Variants in UBR4 observed in about 807,000 individuals in gnomAD.
UBR4 encodes E3 ubiquitin-protein ligase UBR4.
UBR4 carries 124 observed loss-of-function variants against 575.6 expected under a neutral mutation model. The ratio of observed to expected loss-of-function variants is 0.22; its 90% CI spans 0.19 to 0.25. The LOEUF is 0.25. UBR4 is among the 10% of genes least tolerant of loss of function. The pLI, the probability that UBR4 is intolerant of heterozygous loss-of-function variation, is 1.00. For missense variants in UBR4, 4,818 were observed against 6,478.8 expected, an observed-to-expected ratio of 0.74 and a Z score of 8.80; for synonymous variants, 2,455 against 2,473.7, an observed-to-expected ratio of 0.99 and a Z score of 0.22.
chr1:19,113,474 A>G (rs1302407727), intron 77 of UBR4: 6 of 614,356 alleles, frequency 9.8e-6, no homozygotes, highest in African/African-American at 1.8e-5. Flanking sequence ...TCCCATCACC[A>G]GTATGTTCAG....
intron 22 of UBR4, among the ~76,000 whole-genome samples, chr1:19,174,090 C>A (rs184777099): frequency 2.6e-5 from 4 of 152,288 alleles, no homozygotes; most frequent in Non-Finnish European, 5.9e-5. Context: ...GGGGGGACCA[C>A]TAACTCTTAA....
At chr1:19,201,691 A>G in intron 2 of UBR4, 27 bp downstream of exon 2, 2 of 1,589,616 alleles carry the variant, frequency 1.3e-6, no homozygotes, top group South Asian at 1.1e-5. Context: ...AGCCCTCAGA[A>G]GGGAAGGACA....
chr1:19,144,888 A>G lies in UBR4; in HGVS notation c.7965T>C (p.Ala2655=). The G allele has an allele frequency of 1.2e-5, 20 of 1,614,150 alleles. No individual in the cohort carries two copies. The highest frequency in any genetic ancestry group is 1.7e-5 in the Non-Finnish European group (20 of 1,180,006). Residue 2655 remains alanine (A), a synonymous_variant, in exon 54 of 106, where the codon GCT becomes GCC. Transcript: ENST00000375254. The part of the protein sequence containing the change: ...ACLPGLTHIE[A]TVNALVDIIH... ...TGATGTCCACCAGAGCATTGACAGTAGCTTCAATATGAGTTAGTCCTAAAG... is the reference window on the plus strand; with the variant it reads ...TGATGTCCACCAGAGCATTGACAGTGGCTTCAATATGAGTTAGTCCTAAAG...
chr1:19,208,466 CAAAAAAAAAAAAAA>C (rs71030137), intron 1 of UBR4, among the ~76,000 whole-genome samples: 1 of 76,904 alleles, frequency 1.3e-5, no homozygotes, highest in African/African-American at 4.3e-5. Context: ...GAATCCATCT[CAAAAAAAAAAAAAA>C]AAAAAAAAAG....
rs1309166192 is a variant in UBR4, at chr1:19,126,641, G to A, written c.9243C>T (p.Ile3081=). Residue 3081 remains isoleucine (I), a synonymous_variant, in exon 64 of 106, where the codon ATC becomes ATT. Transcript: ENST00000375254. ...KSSICESSSL[I]SSATAAALLS... ...GTAGAGCTGCTGCTGTGGCACTGGA[G>A]ATGAGGGAAGATGACTGGGAGACAG... 7 of 1,613,502 alleles carry A rather than the reference G, an allele frequency of 4.3e-6. No individual in the cohort carries two copies. Among genetic ancestry groups the A allele is most frequent in the African/African-American group, 1.3e-5 (1 of 74,932 alleles).
At chr1:19,185,886 G>A (rs2091481894) in intron 14 of UBR4, among the ~76,000 whole-genome samples, 1 of 152,048 alleles carries the variant, frequency 6.6e-6, no homozygotes, top group Non-Finnish European at 1.5e-5. Flanking sequence ...TCTTTAAGGA[G>A]CCCAACAAAG....
At chr1:19,095,838 C>T (rs1441198739) in intron 92 of UBR4, 186 bp from the exon 93 acceptor site, 6 of 556,976 alleles carry the variant, frequency 1.1e-5, no homozygotes, top group Non-Finnish European at 1.9e-5. Context: ...TCACATTAGG[C>T]TGGTAGCTCC....
chr1:19,160,983 T>C lies in UBR4; in HGVS notation c.5340A>G (p.Glu1780=). ...AGAGGCTGCTCTTCTTGGGCTTCTC[T>C]TCGTCAGCAACCTTTCCATCACTGA... is the stretch of plus-strand genomic sequence containing the variant. ...VTISDGKVAD[E]EKPKKSSLCR... is the part of the protein sequence containing the mutation. Residue 1780 remains glutamate, a synonymous_variant, in exon 38 of 106, where the codon GAA becomes GAG. Transcript: ENST00000375254. The C allele has an allele frequency of 6.2e-7, 1 of 1,614,176 alleles. No individual in the cohort carries two copies. Among genetic ancestry groups the C allele is most frequent in the Non-Finnish European group, 8.5e-7 (1 of 1,180,020 alleles).
chr1:19,097,627 A>G (rs1482626958), intron 90 of UBR4, among the ~76,000 whole-genome samples: 2 of 152,204 alleles, frequency 1.3e-5, no homozygotes, highest in African/African-American at 4.8e-5. Context: ...ATCCTTTTAC[A>G]TAAGGTTACA....
At chr1:19,191,983 G>C (rs1230028179) in intron 11 of UBR4, among the ~76,000 whole-genome samples, 1 of 152,108 alleles carries the variant, frequency 6.6e-6, no homozygotes, top group African/African-American at 2.4e-5. Flanking sequence ...TGAGGAAATA[G>C]AATCAAAGAG....
intron 104 of UBR4, among the ~76,000 whole-genome samples, chr1:19,077,217 G>A (rs1320730764): frequency 6.6e-6 from 1 of 152,202 alleles, no homozygotes; most frequent in Non-Finnish European, 1.5e-5. Flanking sequence ...GCTTCCATGA[G>A]CTGTCTCATT....
chr1:19,077,772 A>G, intron 104 of UBR4: 5 of 1,506,132 alleles, frequency 3.3e-6, no homozygotes, highest in Admixed American at 2.0e-5. Context: ...AAAACCAAAC[A>G]AAACAAATGT....
chr1:19,084,762 G>C (rs896571218), intron 101 of UBR4, 64 bp from the exon 102 acceptor site: 22 of 1,492,298 alleles, frequency 1.5e-5, no homozygotes, highest in Admixed American at 3.7e-5. Flanking sequence ...CAGTTTGGGA[G>C]ACAGAGCCTC....
At chr1:19,078,095 TGAA>T in intron 103 of UBR4, 29 bp from the exon 104 acceptor site, 1 of 1,608,334 alleles carries the variant, frequency 6.2e-7, no homozygotes, top group Non-Finnish European at 8.5e-7. Flanking sequence ...TTCCATCACA[TGAA>T]GTCCCTAGGA....
At chr1:19,113,437 T>TA (rs547194415) in intron 77 of UBR4, 114 of 503,610 alleles carry the variant, frequency 2.3e-4, no homozygotes, top group African/African-American at 5.9e-4. Flanking sequence ...TGTTAATGGC[T>TA]AAAAAAAACC....
At chr1:19,128,939 A>G (rs886975136) in intron 61 of UBR4, 39 bp downstream of exon 61, 2 of 1,590,614 alleles carry the variant, frequency 1.3e-6, no homozygotes, top group East Asian at 2.2e-5. Flanking sequence ...GGACGGTCCA[A>G]TCATGACCTG....
chr1:19,180,857 C>G (rs995520883), intron 17 of UBR4, among the ~76,000 whole-genome samples: 1 of 152,166 alleles, frequency 6.6e-6, no homozygotes, highest in African/African-American at 2.4e-5. Flanking sequence ...TCTAAGAAGT[C>G]AAACTGCACC....
rs2075745789 is a variant in UBR4, at chr1:19,074,600, T to C, written c.*232A>G. 5.3e-6 allele frequency: 3 copies of C among 567,970 alleles called. No homozygotes were observed. In the South Asian group the frequency reaches 6.3e-5, roughly 12 times the overall value. The allele number at this position is 567,970 out of a possible 1,614,324, so 35.2% of individuals were successfully genotyped here. A position where few individuals can be genotyped will look rare whatever the true frequency, so the allele number is the denominator to read the frequency against. ...CGGGACAACTCATGGCTCCTAGGTA[T>C]GTACAGGCCCTTTGATGGCTTGGGT... On this transcript the variant is annotated 3_prime_UTR_variant, in exon 106 of 106. Coordinates refer to ENST00000375254, the MANE Select transcript of UBR4 (RefSeq NM_020765.3).
intron 81 of UBR4, among the ~76,000 whole-genome samples, chr1:19,108,240 C>T (rs921707750): frequency 3.9e-5 from 6 of 152,100 alleles, no homozygotes; most frequent in South Asian, 2.1e-4. Flanking sequence ...ATCTTTTACC[C>T]GGCAGGATAC....
Sources: gnomAD v4.1 joint callset for allele counts (sites outside exome capture counted in the v4.1 genomes callset) on GRCh38, gnomAD v4.1.1 for gene constraint, MANE v1.5 for transcripts, NCBI Gene and HGNC (gene_info 2026-07-23, HGNC 2026-07-21) for gene names.